ITGB8: variants seen among roughly 807,000 people sequenced by gnomAD.
ITGB8 encodes the protein integrin beta-8.
Under a neutral mutation model 89.5 loss-of-function variants are expected in ITGB8, and 30 were observed. The ratio of observed to expected loss-of-function variants is 0.34; its 90% confidence interval spans 0.25 to 0.45. The LOEUF is 0.45. Among genes scored for constraint, ITGB8 ranks in the 20% least tolerant of loss-of-function variants. The pLI, the probability that ITGB8 is intolerant of heterozygous loss-of-function variation, is 1.00. For synonymous variants in ITGB8, 335 were observed against 320.4 expected (o/e 1.05, Z -0.49); for missense variants, 836 against 933.3 (o/e 0.90, Z 1.36).
intron 1 of ITGB8, among the ~76,000 whole-genome samples, chr7:20,347,204 A>G (rs1784956099): frequency 6.6e-6 from 1 of 152,222 alleles, no homozygotes. Flanking sequence ...AAATTACCCA[A>G]TCTAAGGTAT....
At chr7:20,382,842 C>T (rs1250414975) in intron 6 of ITGB8, among the ~76,000 whole-genome samples, 1 of 152,192 alleles carries the variant, frequency 6.6e-6, no homozygotes, top group Non-Finnish European at 1.5e-5. Flanking sequence ...TTGGTCATCA[C>T]TACCCTGATT....
chr7:20,336,500 T>C (rs1271670966), intron 1 of ITGB8, among the ~76,000 whole-genome samples: 2 of 152,250 alleles, frequency 1.3e-5, no homozygotes, highest in African/African-American at 4.8e-5. Context: ...GAGAGGTCCC[T>C]GTTTTTGAAA....
Position 20,380,659 on chromosome 7 carries a change from C to T in ITGB8, c.636-7C>T. The T allele has an allele frequency of 6.2e-7, 1 of 1,610,520 alleles. No homozygotes were observed. Among genetic ancestry groups the T allele is most frequent in the Non-Finnish European group, 8.5e-7 (1 of 1,177,314 alleles). On this transcript the variant is annotated splice_region_variant and splice_polypyrimidine_tract_variant and intron_variant, in intron 4 of 13. Transcript: ENST00000222573. ...ATAAACTTTACACTTCTTCTTTTCC[C>T]ACACAGTGACTACAATTTAGACTGC...
chr7:20,400,578 C>A (rs895253866), intron 9 of ITGB8, among the ~76,000 whole-genome samples: 3 of 151,988 alleles, frequency 2.0e-5, no homozygotes, highest in Admixed American at 6.6e-5. Flanking sequence ...CTCAATCCAA[C>A]GTGAAAGAAA....
At position 20,414,514 on chromosome 7, in the gene ITGB8, A is replaced by G. The variant is rs894989758; in HGVS notation, c.*4517A>G. 6.6e-6 allele frequency: 1 copy of G among 152,606 alleles called. No homozygotes were observed. The highest frequency in any genetic ancestry group is 1.5e-5 in the Non-Finnish European group (1 of 67,996). The allele number at this position is 152,606 out of a possible 1,614,324, so 9.5% of individuals were successfully genotyped here. A position where few individuals can be genotyped will look rare whatever the true frequency, so the allele number is the denominator to read the frequency against. On this transcript the variant is annotated 3_prime_UTR_variant, in exon 14 of 14. Coordinates refer to ENST00000222573, the MANE Select transcript of ITGB8 (RefSeq NM_002214.3). ...ACAAAATTAACTGGAAAAATATTAC[A>G]TGGAACTGTCATAGTTAGGTTTTGC... is the stretch of plus-strand genomic sequence containing the variant.
chr7:20,331,746 G>A lies in ITGB8; in HGVS notation c.-61G>A. On this transcript the variant is annotated 5_prime_UTR_variant, in exon 1 of 14. Coordinates refer to ENST00000222573, the MANE Select transcript of ITGB8 (RefSeq NM_002214.3). ...CGCGGGCCCCGAGGTGCGCCCGGGA[G>A]GCGCGAGCCCGCGTCCGGAAGGCAG... 2 of 1,544,766 alleles carry A rather than the reference G, an allele frequency of 1.3e-6. No individual in the cohort carries two copies. The highest frequency in any genetic ancestry group is 1.7e-6 in the Non-Finnish European group (2 of 1,145,598).
rs1326061075 is a variant in ITGB8 at position 20,398,951 on chromosome 7, A to G, written c.1238A>G (p.Lys413Arg). The change falls in exon 9 of 14, where the codon AAG becomes AGG. Residue 413 changes from lysine (K) to arginine (R), a missense_variant. Lys to Arg is a conservative substitution (Grantham distance 26). Coordinates refer to ENST00000222573, the MANE Select transcript of ITGB8 (RefSeq NM_002214.3). ...ITAICPDGSR[K>R]PGMEGCRNVT... ...GCCATCTGTCCAGATGGGTCCAGAA[A>G]GCCAGGCATGGAAGGATGCAGAAAC... 3.0e-5 allele frequency: 48 copies of G among 1,613,594 alleles called. No homozygotes were observed. Among genetic ancestry groups the G allele is most frequent in the Non-Finnish European group, 3.9e-5 (46 of 1,179,852 alleles).
intron 1 of ITGB8, among the ~76,000 whole-genome samples, chr7:20,336,028 C>T (rs1317204248): frequency 1.0e-4 from 9 of 87,004 alleles, no homozygotes; most frequent in Non-Finnish European, 4.2e-5. Flanking sequence ...TTTTTTGAGA[C>T]GGAGTCTTGC....
At chr7:20,344,618 G>T (rs531292523) in intron 1 of ITGB8, among the ~76,000 whole-genome samples, 1 of 152,340 alleles carries the variant, frequency 6.6e-6, no homozygotes, top group African/African-American at 2.4e-5. Flanking sequence ...AAACAATAGT[G>T]CTTTGTGTGT....
chr7:20,397,940 C>G (rs1489632593), intron 8 of ITGB8, among the ~76,000 whole-genome samples: 1 of 151,764 alleles, frequency 6.6e-6, no homozygotes, highest in African/African-American at 2.4e-5. Context: ...TAGGCACATA[C>G]TTCGTTTTTC....
chr7:20,346,730 T>C, intron 1 of ITGB8: 1 of 985,250 alleles, frequency 1.0e-6, no homozygotes, highest in East Asian at 1.1e-4. Flanking sequence ...ATGATTAAAG[T>C]GATTGCCTGA....
intron 3 of ITGB8, among the ~76,000 whole-genome samples, chr7:20,367,565 G>C (rs1785753213): frequency 6.6e-6 from 1 of 152,102 alleles, no homozygotes; most frequent in Admixed American, 6.5e-5. Context: ...TTGTTAGCTT[G>C]ATTGATCCTT....
intron 1 of ITGB8, among the ~76,000 whole-genome samples, chr7:20,342,779 T>C (rs1036316591): frequency 6.6e-6 from 1 of 152,178 alleles, no homozygotes; most frequent in African/African-American, 2.4e-5. Flanking sequence ...GTCACAGATA[T>C]TCACACTGCA....
chr7:20,410,481 C>T lies in ITGB8; in HGVS notation c.*484C>T, dbSNP rs537051993. ...CAGTTGGTGGTTGAATAGACAAGAA[C>T]AGCTAGATGAATAAATGATTCGTGT... On this transcript the variant is annotated 3_prime_UTR_variant, in exon 14 of 14. Transcript: ENST00000222573. 1 of 154,018 alleles carries T rather than the reference C, an allele frequency of 6.5e-6. No individual in the cohort carries two copies. Among genetic ancestry groups the T allele is most frequent in the East Asian group, 1.9e-4 (1 of 5,200 alleles). 9.5% of individuals were successfully genotyped at this position (154,018 alleles called of 1,614,324 possible).
intron 1 of ITGB8, among the ~76,000 whole-genome samples, chr7:20,356,993 G>A (rs1395230436): frequency 6.6e-6 from 1 of 152,142 alleles, no homozygotes; most frequent in Non-Finnish European, 1.5e-5. Context: ...CTAAGTGGGT[G>A]TCATGAATAT....
At chr7:20,396,790 G>A (rs981409829) in intron 8 of ITGB8, among the ~76,000 whole-genome samples, 1 of 152,206 alleles carries the variant, frequency 6.6e-6, no homozygotes, top group South Asian at 2.1e-4. Context: ...ATTTTTACCT[G>A]TGTGTCAGAC....
intron 1 of ITGB8, among the ~76,000 whole-genome samples, chr7:20,332,455 G>C (rs1784437388): frequency 6.6e-6 from 1 of 151,822 alleles, no homozygotes; most frequent in African/African-American, 2.4e-5. Context: ...ACCCACACTG[G>C]AGGGATATTA....
intron 1 of ITGB8, among the ~76,000 whole-genome samples, chr7:20,351,406 T>C (rs144766383): frequency 6.6e-6 from 1 of 152,356 alleles, no homozygotes; most frequent in African/African-American, 2.4e-5. Context: ...AAGCTGTAGT[T>C]TTCCATCTGT....
chr7:20,343,029 G>C (rs897390777), intron 1 of ITGB8, among the ~76,000 whole-genome samples: 1 of 152,188 alleles, frequency 6.6e-6, no homozygotes, highest in Admixed American at 6.5e-5. Flanking sequence ...TTGAAAGGCA[G>C]CTTGCAGATC....
Sources: allele counts gnomAD v4.1 joint callset (sites outside exome capture counted in the v4.1 genomes callset), GRCh38; gene constraint gnomAD v4.1.1; transcripts MANE v1.5; gene names NCBI Gene and HGNC (gene_info 2026-07-23, HGNC 2026-07-21).